Variants in TCERG1 observed in about 807,000 individuals in gnomAD.
The protein encoded by TCERG1 is transcription elongation regulator 1.
A neutral mutation model predicts 144.7 loss-of-function variants in TCERG1; 37 were observed. The observed-to-expected ratio is 0.26, with a 90% CI of 0.20 to 0.34. The LOEUF is 0.34. Among genes scored for constraint, TCERG1 ranks in the 10% least tolerant of loss-of-function variants. The probability of loss-of-function intolerance (pLI) is 1.00; values close to 1 mark genes in which losing one functional copy is unlikely to be tolerated. For synonymous variants in TCERG1, 492 were observed against 458.2 expected (o/e 1.07, Z -0.94); for missense variants, 1,027 against 1,380.7 (o/e 0.74, Z 4.06).
intron 16 of TCERG1, among the ~76,000 whole-genome samples, chr5:146,496,358 A>G (rs1766899661): frequency 6.6e-6 from 1 of 151,838 alleles, no homozygotes; most frequent in Admixed American, 6.6e-5. Flanking sequence ...CTCTTTTGGG[A>G]TTCTAATCAC....
intron 1 of TCERG1, among the ~76,000 whole-genome samples, chr5:146,448,359 A>C (rs1023201281): frequency 1.3e-5 from 2 of 152,162 alleles, no homozygotes; most frequent in Non-Finnish European, 2.9e-5. Flanking sequence ...AGTGTCTATG[A>C]GTTTGTAATT....
chr5:146,481,068 C>G (rs1327459430), intron 12 of TCERG1, 82 bp from the exon 13 acceptor site: 1 of 580,088 alleles, frequency 1.7e-6, no homozygotes, highest in Non-Finnish European at 2.2e-6. Flanking sequence ...TTTGGATGTT[C>G]CTACGATGTT....
chr5:146,506,348 G>A (rs1021879963), intron 19 of TCERG1, among the ~76,000 whole-genome samples: 5 of 152,050 alleles, frequency 3.3e-5, no homozygotes, highest in African/African-American at 1.2e-4. Context: ...GACCTGTTAT[G>A]CCTTCTATTA....
At chr5:146,500,986 C>T in intron 17 of TCERG1, among the ~76,000 whole-genome samples, 1 of 128,290 alleles carries the variant, frequency 7.8e-6, no homozygotes, top group East Asian at 2.2e-4. Context: ...CCAGCCTGGA[C>T]AACAGATGGG....
At chr5:146,503,004 C>G (rs1288854842) in intron 17 of TCERG1, 1 of 152,152 alleles carries the variant, frequency 6.6e-6, no homozygotes, top group Non-Finnish European at 1.5e-5. Context: ...TGACTCTTAG[C>G]TAAAAAGAAA....
chr5:146,449,946 A>AT (rs35032520), intron 1 of TCERG1, among the ~76,000 whole-genome samples: 40,827 of 152,094 alleles, frequency 0.27, 6,671 homozygotes, highest in East Asian at 0.84. Context: ...CCTTAAGAAA[A>AT]TATTTTTCTG....
rs1015366729 is a variant in TCERG1 at position 146,477,996 on chromosome 5, C to T, written c.1602-497C>T. 1.3e-5 allele frequency among the ~76,000 whole-genome samples: 2 copies of T among 152,162 alleles called. 1 individual carries two copies. The highest frequency in any genetic ancestry group is 2.9e-5 in the Non-Finnish European group (2 of 68,020). On this transcript the variant is annotated intron_variant, in intron 9 of 22. Transcript: ENST00000679501. ...AGAATTACAGGCCTGAGCCACCGTG[C>T]TGGGCCTTCCCTTTACTTTTTATTT... is the stretch of plus-strand genomic sequence containing the variant.
intron 2 of TCERG1, 39 bp from the exon 3 acceptor site, chr5:146,457,144 G>A (rs906200100): frequency 1.3e-6 from 2 of 1,591,904 alleles, no homozygotes; most frequent in Non-Finnish European, 1.7e-6. Flanking sequence ...TGGAGGAAAA[G>A]TAATTAAAGT....
At chr5:146,490,539 T>C (rs1475960124) in intron 15 of TCERG1, among the ~76,000 whole-genome samples, 1 of 152,230 alleles carries the variant, frequency 6.6e-6, no homozygotes, top group Non-Finnish European at 1.5e-5. Flanking sequence ...GCCATTCCTA[T>C]TCCTTTATAT....
At chr5:146,472,556 C>T (rs1304924269) in intron 9 of TCERG1, among the ~76,000 whole-genome samples, 2 of 152,082 alleles carry the variant, frequency 1.3e-5, no homozygotes, top group Non-Finnish European at 2.9e-5. Flanking sequence ...CTAACTGTTC[C>T]ACCGACCGGC....
At chr5:146,502,898 C>T (rs2150870030) in intron 17 of TCERG1, 1 of 151,978 alleles carries the variant, frequency 6.6e-6, no homozygotes, top group Admixed American at 6.5e-5. Context: ...TTTTAAATGT[C>T]CTATTAATTT....
intron 9 of TCERG1, among the ~76,000 whole-genome samples, chr5:146,477,096 T>C (rs1194502605): frequency 6.6e-6 from 1 of 152,164 alleles, no homozygotes; most frequent in Non-Finnish European, 1.5e-5. Context: ...CACTGATTGT[T>C]TCCTGGCGTC....
At chr5:146,456,014 A>G (rs1762804556) in intron 2 of TCERG1, among the ~76,000 whole-genome samples, 1 of 152,194 alleles carries the variant, frequency 6.6e-6, no homozygotes, top group African/African-American at 2.4e-5. Context: ...TCTGAAACCA[A>G]ATAAATATAG....
At chr5:146,495,246 A>G (rs144212493) in intron 16 of TCERG1, among the ~76,000 whole-genome samples, 2 of 152,280 alleles carry the variant, frequency 1.3e-5, no homozygotes, top group African/African-American at 4.8e-5. Context: ...GAATATTTGT[A>G]TTATACTTAC....
intron 1 of TCERG1, among the ~76,000 whole-genome samples, chr5:146,451,163 A>G (rs1408992785): frequency 6.6e-6 from 1 of 152,190 alleles, no homozygotes; most frequent in East Asian, 1.9e-4. Context: ...AGGGTACATT[A>G]TTAACTCAAG....
rs1176031645 is a variant in TCERG1 at position 146,471,489 on chromosome 5, A to G, written c.1514A>G (p.Glu505Gly). ...TTAGAGTAATATCATTTCTTGTAGG[A>G]GCCCAAAGAAGAGGAGATGACTGAA... is the stretch of plus-strand genomic sequence containing the variant. ...KEEPIKEIKE[E>G]PKEEEMTEEE... The change falls in exon 9 of 23, where the codon GAG becomes GGG. Residue 505 changes from glutamate (E) to glycine (G), a missense_variant and splice_region_variant. Glu to Gly is a moderately conservative substitution (Grantham distance 98, BLOSUM62 -2). Transcript: ENST00000679501. 3 of 1,611,438 alleles carry G rather than the reference A, an allele frequency of 1.9e-6. No individual in the cohort carries two copies. The highest frequency in any genetic ancestry group is 2.5e-6 in the Non-Finnish European group (3 of 1,178,874).
chr5:146,473,274 A>G (rs760528589), intron 9 of TCERG1, among the ~76,000 whole-genome samples: 15 of 152,328 alleles, frequency 9.8e-5, no homozygotes, highest in Middle Eastern at 3.4e-3. Context: ...CTAATCCACA[A>G]GAGATGCCCT....
At chr5:146,450,889 A>T (rs1762286575) in intron 1 of TCERG1, among the ~76,000 whole-genome samples, 1 of 152,186 alleles carries the variant, frequency 6.6e-6, no homozygotes, top group Non-Finnish European at 1.5e-5. Flanking sequence ...ACCACCCTAA[A>T]TGTTTCACCG....
intron 1 of TCERG1, among the ~76,000 whole-genome samples, chr5:146,448,511 A>T (rs1762091920): frequency 6.6e-6 from 1 of 152,220 alleles, no homozygotes; most frequent in Non-Finnish European, 1.5e-5. Flanking sequence ...TTCAGCTCCC[A>T]TTCTGAATTG....
Sources: gnomAD v4.1 joint callset for allele counts (sites outside exome capture counted in the v4.1 genomes callset) on GRCh38, gnomAD v4.1.1 for gene constraint, MANE v1.5 for transcripts, NCBI Gene and HGNC (gene_info 2026-07-23, HGNC 2026-07-21) for gene names.